TEX14: variants seen among roughly 807,000 people sequenced by gnomAD.
TEX14 encodes inactive serine/threonine-protein kinase TEX14.
In TEX14, 168 loss-of-function variants were observed where a neutral mutation model predicts 178.6. The ratio of observed to expected loss-of-function variants is 0.94; its 90% CI spans 0.83 to 1.07. The LOEUF (loss-of-function observed/expected upper bound fraction) is 1.07. Ranked by LOEUF, TEX14 falls within the 50% of genes least tolerant of loss-of-function variation. The pLI is 0.00. For synonymous variants in TEX14, 626 were observed against 634.1 expected (o/e 0.99, Z 0.19); for missense variants, 1,730 against 1,753.6 (o/e 0.99, Z 0.24).
chr17:58,564,159 T>A (rs185955105), intron 28 of TEX14: 1 of 152,262 alleles, frequency 6.6e-6, no homozygotes, highest in Non-Finnish European at 1.5e-5. Context: ...AGAATTACCA[T>A]ATGATCCAGT....
At chr17:58,661,622 G>C (rs1373356323) in intron 1 of TEX14, 1 of 694,120 alleles carries the variant, frequency 1.4e-6, no homozygotes, top group African/African-American at 1.8e-5. Flanking sequence ...GATGCGAAAT[G>C]TTGATTCCTT....
At chr17:58,662,857 C>T (rs1297457189) in intron 1 of TEX14, among the ~76,000 whole-genome samples, 9 of 152,138 alleles carry the variant, frequency 5.9e-5, no homozygotes, top group African/African-American at 2.2e-4. Context: ...CGGTGGCTCA[C>T]GCTTGTAATC....
intron 28 of TEX14, among the ~76,000 whole-genome samples, chr17:58,563,759 A>C (rs548876026): frequency 8.9e-5 from 13 of 146,754 alleles, no homozygotes; most frequent in Non-Finnish European, 1.2e-4. Context: ...ATATGTATAC[A>C]TATATATAGA....
intron 1 of TEX14, among the ~76,000 whole-genome samples, chr17:58,654,563 G>T (rs1223178306): frequency 6.8e-6 from 1 of 146,834 alleles, no homozygotes; most frequent in Admixed American, 6.9e-5. Context: ...CTGCAGTGTA[G>T]TGGCACGATC....
Position 58,570,384 on chromosome 17 carries a change from C to T in TEX14, c.3817+1G>A, listed in dbSNP as rs765411299. On this transcript the variant is annotated splice_donor_variant, in intron 25 of 31. Coordinates refer to ENST00000349033, the MANE Select transcript of TEX14 (RefSeq NM_031272.5). LOFTEE classifies it high-confidence loss of function. Reference sequence around the variant, plus strand: ...CTATTTTGATATTAAACACAGGGTACCTTTAGGCAGGCTCCTTCTCTGGGT... The same window carrying T: ...CTATTTTGATATTAAACACAGGGTATCTTTAGGCAGGCTCCTTCTCTGGGT... The T allele has an allele frequency of 2.7e-6, 4 of 1,506,348 alleles. No individual in the cohort carries two copies. The highest frequency in any genetic ancestry group is 1.5e-5 in the African/African-American group (1 of 67,946). 93.3% of individuals were successfully genotyped at this position (1,506,348 alleles called of 1,614,324 possible).
intron 20 of TEX14, among the ~76,000 whole-genome samples, chr17:58,579,406 C>T (rs2044756787): frequency 6.6e-6 from 1 of 152,174 alleles, no homozygotes; most frequent in African/African-American, 2.4e-5. Flanking sequence ...GGGGAAAAAG[C>T]AGTGACTACA....
chr17:58,573,299 C>A lies in TEX14; in HGVS notation c.3393G>T (p.Thr1131=). 1 of 1,613,202 alleles carries A rather than the reference C, an allele frequency of 6.2e-7. No homozygotes were observed. The change falls in exon 23 of 32, where the codon ACG becomes ACT. Residue 1131 remains threonine, a synonymous_variant. Coordinates refer to ENST00000349033, the MANE Select transcript of TEX14 (RefSeq NM_031272.5). ...KELKEKDISL[T]DIQDLSSISY... ...AGATACTAGACAGGTCTTGAATATC[C>A]GTCAATGATCTAAAGAATTAAGAGC...
At chr17:58,586,639 T>C (rs2044981855) in intron 17 of TEX14, among the ~76,000 whole-genome samples, 2 of 152,144 alleles carry the variant, frequency 1.3e-5, no homozygotes, top group Admixed American at 6.5e-5. Flanking sequence ...TGACACTGCA[T>C]ACTCTCCACT....
At chr17:58,655,031 C>CTTTTT (rs1188938621) in intron 1 of TEX14, among the ~76,000 whole-genome samples, 1 of 130,856 alleles carries the variant, frequency 7.6e-6, no homozygotes, top group Non-Finnish European at 1.6e-5. Context: ...AAACTCCCTT[C>CTTTTT]TTTTTTTTTT....
At chr17:58,668,804 A>C (rs933457765) in intron 1 of TEX14, among the ~76,000 whole-genome samples, 2 of 152,192 alleles carry the variant, frequency 1.3e-5, no homozygotes, top group African/African-American at 4.8e-5. Flanking sequence ...AACTGGCCCA[A>C]GGGCTCTAGT....
intron 1 of TEX14, among the ~76,000 whole-genome samples, chr17:58,682,414 T>C (rs1158648111): frequency 6.6e-6 from 1 of 152,024 alleles, no homozygotes; most frequent in Non-Finnish European, 1.5e-5. Flanking sequence ...CATGCCACCA[T>C]GCCCGGCTAG....
chr17:58,579,151 G>A (rs902519553), intron 20 of TEX14, among the ~76,000 whole-genome samples: 1 of 152,226 alleles, frequency 6.6e-6, no homozygotes, highest in Admixed American at 6.5e-5. Flanking sequence ...CTCCCAAGTG[G>A]TAGATGTTAA....
At chr17:58,634,626 A>C (rs1311995497) in intron 2 of TEX14, among the ~76,000 whole-genome samples, 1 of 152,138 alleles carries the variant, frequency 6.6e-6, no homozygotes, top group African/African-American at 2.4e-5. Context: ...TTATCTGCCC[A>C]ACACAAGCCA....
chr17:58,680,494 C>A (rs2047482570), intron 1 of TEX14, among the ~76,000 whole-genome samples: 1 of 152,150 alleles, frequency 6.6e-6, no homozygotes, highest in Non-Finnish European at 1.5e-5. Context: ...GTAATCCCAG[C>A]CCTTTGGGAG....
At chr17:58,590,492 T>C (rs62083527) in intron 15 of TEX14, among the ~76,000 whole-genome samples, 24,163 of 152,162 alleles carry the variant, frequency 0.16, 2,160 homozygotes, top group Middle Eastern at 0.21. Context: ...GAATAAAGAA[T>C]GAAGCAACCT....
chr17:58,586,634 C>T (rs1196309168), intron 17 of TEX14, among the ~76,000 whole-genome samples: 1 of 152,096 alleles, frequency 6.6e-6, no homozygotes, highest in African/African-American at 2.4e-5. Flanking sequence ...GAGAGTGACA[C>T]TGCATACTCT....
chr17:58,685,996 C>CA (rs34156664), intron 1 of TEX14, among the ~76,000 whole-genome samples: 49,519 of 82,868 alleles, frequency 0.6, 14,071 homozygotes, highest in Non-Finnish European at 0.63. Context: ...CTCTGTCTCA[C>CA]AAAAAAAAAA....
chr17:58,581,866 A>C (rs2044830088), intron 19 of TEX14: 3 of 926,966 alleles, frequency 3.2e-6, no homozygotes, highest in Non-Finnish European at 4.8e-6. Context: ...GACTCTCCCT[A>C]CCTCTTTGTG....
intron 11 of TEX14, among the ~76,000 whole-genome samples, chr17:58,603,592 C>T (rs1166918695): frequency 2.1e-5 from 3 of 145,486 alleles, no homozygotes; most frequent in Non-Finnish European, 4.5e-5. Flanking sequence ...CGTTGGCTCA[C>T]GCCTGTAATC....
Sources: allele counts gnomAD v4.1 joint callset (sites outside exome capture counted in the v4.1 genomes callset), GRCh38; gene constraint gnomAD v4.1.1; transcripts MANE v1.5; gene names NCBI Gene and HGNC (gene_info 2026-07-23, HGNC 2026-07-21).